Variants in SLC25A26 observed in about 807,000 individuals in gnomAD.
The protein encoded by SLC25A26 is solute carrier family 25 member 26, also known as mitochondrial S-adenosylmethionine carrier protein.
In SLC25A26, 36 loss-of-function variants were observed where a neutral mutation model predicts 37.8. That is an observed-to-expected ratio of 0.95 (90% confidence interval 0.73 to 1.26). The LOEUF (loss-of-function observed/expected upper bound fraction) is 1.26. Ranked by LOEUF, SLC25A26 falls within the 50% of genes most tolerant of loss-of-function variation. The pLI is 0.00. For missense variants in SLC25A26, 390 were observed against 331.1 expected (o/e 1.18, Z -1.38); for synonymous variants, 129 against 122.5 (o/e 1.05, Z -0.35).
At chr3:66,332,917 G>A (rs2076010447) in intron 5 of SLC25A26, among the ~76,000 whole-genome samples, 2 of 152,158 alleles carry the variant, frequency 1.3e-5, no homozygotes, top group Non-Finnish European at 2.9e-5. Flanking sequence ...TGTGGGTGGT[G>A]TATTTTCTGA....
At chr3:66,158,813 G>A (rs1300549178) in intron 1 of SLC25A26, among the ~76,000 whole-genome samples, 1 of 152,124 alleles carries the variant, frequency 6.6e-6, no homozygotes, top group African/African-American at 2.4e-5. Flanking sequence ...TAAGGAATTG[G>A]TCTTGAGTCT....
At chr3:66,212,744 C>G (rs1441372781) in intron 1 of SLC25A26, among the ~76,000 whole-genome samples, 1 of 152,096 alleles carries the variant, frequency 6.6e-6, no homozygotes, top group Non-Finnish European at 1.5e-5. Flanking sequence ...TAATATTGGT[C>G]TTTTTGTGAC....
At chr3:66,361,679 A>G (rs2076710420) in intron 6 of SLC25A26, among the ~76,000 whole-genome samples, 1 of 152,190 alleles carries the variant, frequency 6.6e-6, no homozygotes, top group Non-Finnish European at 1.5e-5. Context: ...AATTAAAACC[A>G]CAATGAAGGC....
chr3:66,318,221 A>G (rs894479443), intron 5 of SLC25A26, among the ~76,000 whole-genome samples: 1 of 152,180 alleles, frequency 6.6e-6, no homozygotes, highest in African/African-American at 2.4e-5. Context: ...CCTATGTCTC[A>G]GTGTCTGCTC....
chr3:66,208,531 C>T (rs1215465729), intron 1 of SLC25A26, among the ~76,000 whole-genome samples: 1 of 151,490 alleles, frequency 6.6e-6, no homozygotes, highest in African/African-American at 2.4e-5. Flanking sequence ...AGCAGGACAA[C>T]CCACTTTTCC....
intron 7 of SLC25A26, among the ~76,000 whole-genome samples, chr3:66,364,867 C>G (rs78877894): frequency 1.3e-5 from 2 of 152,204 alleles, no homozygotes; most frequent in East Asian, 3.9e-4. Context: ...TGCTGAAGTT[C>G]TGATAAGTGA....
Position 66,378,008 on chromosome 3 carries a change from GAA to G in SLC25A26, c.*204_*205del. ...CCTGTATGCCAGAGAGCTAAGAGAA[GAA>G]AACGGGGTCTGTGGCGGTACTCTGA... On this transcript the variant is annotated 3_prime_UTR_variant, in exon 10 of 10. Coordinates refer to ENST00000354883, the MANE Select transcript of SLC25A26 (RefSeq NM_001379210.1). 3.9e-6 allele frequency: 2 copies of G among 511,998 alleles called. No homozygotes were observed. The highest frequency in any genetic ancestry group is 3.5e-6 in the Non-Finnish European group (1 of 286,740). 31.7% of individuals were successfully genotyped at this position (511,998 alleles called of 1,614,324 possible). A position where few individuals can be genotyped will look rare whatever the true frequency, so the allele number is the denominator to read the frequency against.
In SLC25A26 at chr3:66,184,790, C is replaced by T. The variant is rs2070794662; in HGVS notation, c.-353-35952C>T. ...CATTGACTCTAACCATCCCACCCCT[C>T]TAAAGTTACCCTAAACTTAAATTTC... On this transcript the variant is annotated intron_variant, in intron 1 of 10. Coordinates refer to the SLC25A26 transcript ENST00000676754. Among the ~76,000 whole-genome samples the T allele has an allele frequency of 2.0e-5, 3 of 152,152 alleles. No individual in the cohort carries two copies. In the South Asian group the frequency reaches 6.2e-4, roughly 32 times the overall value.
chr3:66,365,767 A>T (rs2076810319), intron 7 of SLC25A26, among the ~76,000 whole-genome samples: 1 of 152,194 alleles, frequency 6.6e-6, no homozygotes, highest in African/African-American at 2.4e-5. Flanking sequence ...CTTCTTGTTG[A>T]TGGGGAAGTC....
rs1241395187 is a variant in SLC25A26, at chr3:66,352,427, TGTTTTTTG to T, written c.498+6020_498+6027del. ...CTGCCTAGCGCCTCCCCTCGTTTTT[TGTTTTTTG>T]TTTTTTGTTTTTTTTTTTGAGATGT... On this transcript the variant is annotated intron_variant, in intron 6 of 9. Coordinates refer to ENST00000354883, the MANE Select transcript of SLC25A26 (RefSeq NM_001379210.1). Among the ~76,000 whole-genome samples, 7 of 136,798 alleles carry T rather than the reference TGTTTTTTG, an allele frequency of 5.1e-5. 1 individual carries two copies. The highest frequency in any genetic ancestry group is 1.7e-4 in the African/African-American group (6 of 34,932). 89.7% of individuals were successfully genotyped at this position (136,798 alleles called of 152,430 possible).
At chr3:66,295,346 C>T (rs1280273366) in intron 5 of SLC25A26, among the ~76,000 whole-genome samples, 1 of 151,928 alleles carries the variant, frequency 6.6e-6, no homozygotes, top group Non-Finnish European at 1.5e-5. Flanking sequence ...GCCTCAGCCT[C>T]CTGAGTAGCT....
At chr3:66,153,993 G>A (rs920889719) in intron 1 of SLC25A26, among the ~76,000 whole-genome samples, 3 of 152,208 alleles carry the variant, frequency 2.0e-5, no homozygotes, top group Non-Finnish European at 4.4e-5. Flanking sequence ...TCAGGAGTGC[G>A]TGGTTTAGCC....
At chr3:66,152,581 A>T (rs2070223140) in intron 1 of SLC25A26, among the ~76,000 whole-genome samples, 1 of 152,006 alleles carries the variant, frequency 6.6e-6, no homozygotes. Context: ...TCCAGCTGTC[A>T]CATCTCCATA....
intron 5 of SLC25A26, among the ~76,000 whole-genome samples, chr3:66,339,024 C>T (rs1674693235): frequency 1.3e-5 from 2 of 151,980 alleles, no homozygotes; most frequent in South Asian, 4.1e-4. Flanking sequence ...ACTTATGCTG[C>T]AGGCTGGGAT....
intron 5 of SLC25A26, among the ~76,000 whole-genome samples, chr3:66,273,931 C>G (rs929398072): frequency 6.6e-6 from 1 of 151,968 alleles, no homozygotes; most frequent in Non-Finnish European, 1.5e-5. Flanking sequence ...AAAAAGAGCC[C>G]GCATCGCCAA....
intron 5 of SLC25A26, among the ~76,000 whole-genome samples, chr3:66,320,049 A>C (rs1437521400): frequency 6.6e-5 from 10 of 152,310 alleles, no homozygotes; most frequent in African/African-American, 2.4e-4. Context: ...CTTTTAGACA[A>C]ATAATTGAGA....
At chr3:66,275,627 T>A (rs1228814603) in intron 5 of SLC25A26, among the ~76,000 whole-genome samples, 1 of 152,128 alleles carries the variant, frequency 6.6e-6, no homozygotes, top group African/African-American at 2.4e-5. Flanking sequence ...CAGATACATT[T>A]AGCAAGAATT....
At position 66,243,210 on chromosome 3, in the gene SLC25A26, AT is replaced by A; in HGVS notation, c.204del (p.Phe68LeufsTer7). 2.5e-6 allele frequency: 4 copies of A among 1,583,544 alleles called. No individual in the cohort carries two copies. The highest frequency in any genetic ancestry group is 2.3e-5 in the East Asian group (1 of 44,334). On this transcript the variant is annotated frameshift_variant, in exon 3 of 10. Transcript: ENST00000354883. LOFTEE classifies it high-confidence loss of function. ...GCTTGTTTTAAATTTCAGCTGCTGCATTTTTTATCACCTATGAATATGTGAA... is the reference window on the plus strand; with the variant it reads ...GCTTGTTTTAAATTTCAGCTGCTGCATTTTTATCACCTATGAATATGTGAA... ...AIGSFPNAAA[F>X]FITYEYVKWF...
chr3:66,322,988 ATAAG>A (rs1420199181), intron 5 of SLC25A26, among the ~76,000 whole-genome samples: 3 of 146,504 alleles, frequency 2.0e-5, no homozygotes, highest in African/African-American at 4.9e-5. Context: ...AAATTTCAAG[ATAAG>A]TAAGGTATTA....
Sources: allele counts gnomAD v4.1 joint callset (sites outside exome capture counted in the v4.1 genomes callset), GRCh38; gene constraint gnomAD v4.1.1; transcripts MANE v1.5; gene names NCBI Gene and HGNC (gene_info 2026-07-23, HGNC 2026-07-21).